Variants in MED15 observed in about 807,000 individuals in gnomAD.
The protein encoded by MED15 is mediator complex subunit 15, also known as mediator of RNA polymerase II transcription subunit 15.
A neutral mutation model predicts 118.7 loss-of-function variants in MED15; 41 were observed. The observed-to-expected ratio is 0.35, with a 90% CI of 0.27 to 0.45. The LOEUF (loss-of-function observed/expected upper bound fraction) is 0.45, where lower values mean the gene tolerates loss of function less well. Ranked by LOEUF, MED15 falls within the 20% of genes least tolerant of loss-of-function variation. The pLI is 1.00. For synonymous variants in MED15, 436 were observed against 413.9 expected (o/e 1.05, Z -0.65); for missense variants, 740 against 1,025.5 (o/e 0.72, Z 3.80).
chr22:20,537,969 G>A (rs1294204050), intron 2 of MED15, among the ~76,000 whole-genome samples: 1 of 152,144 alleles, frequency 6.6e-6, no homozygotes, highest in African/African-American at 2.4e-5. Flanking sequence ...GGGTAGAGTG[G>A]GCTCTGTACT....
Position 20,507,751 on chromosome 22 carries a change from G to C in MED15, c.68+5G>C. 1 of 1,614,076 alleles carries C rather than the reference G, an allele frequency of 6.2e-7. No homozygotes were observed. The highest frequency in any genetic ancestry group is 8.5e-7 in the Non-Finnish European group (1 of 1,179,938). Reference sequence around the variant, plus strand: ...GCAGAAGCTGGTCAGTCAAATGTGAGTAGTGGTCGGGGCAGGGGGCTGGAT... The same window carrying C: ...GCAGAAGCTGGTCAGTCAAATGTGACTAGTGGTCGGGGCAGGGGGCTGGAT... On this transcript the variant is annotated splice_donor_5th_base_variant and intron_variant, in intron 1 of 17. Transcript: ENST00000263205.
At chr22:20,509,829 C>T (rs983501237) in intron 1 of MED15, among the ~76,000 whole-genome samples, 2 of 151,942 alleles carry the variant, frequency 1.3e-5, no homozygotes, top group African/African-American at 2.4e-5. Flanking sequence ...AGAAAAGTCC[C>T]CAGGGCAAGG....
At chr22:20,515,547 T>A (rs2054220228) in intron 1 of MED15, among the ~76,000 whole-genome samples, 1 of 152,128 alleles carries the variant, frequency 6.6e-6, no homozygotes. Flanking sequence ...CCTAGCACTT[T>A]GGGAGGCTAA....
intron 8 of MED15, among the ~76,000 whole-genome samples, chr22:20,570,738 CTTTCTTTCTTTTTTTTTTTTTTTT>C (rs1443865760): frequency 2.2e-5 from 2 of 90,988 alleles, no homozygotes; most frequent in Non-Finnish European, 4.2e-5. Context: ...TTCTTTCTTT[CTTTCTTTCTTTTTTTTTTTTTTTT>C]TTTTTTTTTT....
intron 1 of MED15, among the ~76,000 whole-genome samples, chr22:20,511,403 G>A (rs1041562357): frequency 1.3e-5 from 2 of 151,658 alleles, no homozygotes; most frequent in Non-Finnish European, 2.9e-5. Context: ...GAGGTGGGGG[G>A]ATCGCTTGAG....
At chr22:20,512,193 T>G (rs2054094371) in intron 1 of MED15, among the ~76,000 whole-genome samples, 2 of 151,980 alleles carry the variant, frequency 1.3e-5, no homozygotes, top group Admixed American at 6.6e-5. Flanking sequence ...TTCACCATGT[T>G]GCCCAGACTG....
chr22:20,566,985 A>C (rs2056467232), intron 7 of MED15, among the ~76,000 whole-genome samples, 168 bp downstream of exon 7: 1 of 152,156 alleles, frequency 6.6e-6, no homozygotes, highest in Non-Finnish European at 1.5e-5. Context: ...TCAGCAGGGA[A>C]GCATGTGTTT....
At chr22:20,555,193 C>A (rs755516466) in intron 5 of MED15, 45 bp downstream of exon 5, 2 of 1,492,864 alleles carry the variant, frequency 1.3e-6, no homozygotes, top group Non-Finnish European at 9.1e-7. Flanking sequence ...TCCTTGCAAA[C>A]GACAACACAT....
intron 1 of MED15, among the ~76,000 whole-genome samples, chr22:20,512,325 G>C (rs528844104): frequency 2.0e-5 from 3 of 151,954 alleles, no homozygotes; most frequent in African/African-American, 7.2e-5. Flanking sequence ...ATTATCAAGT[G>C]TTTAAGGTAT....
At chr22:20,507,879 C>T (rs1601415701) in intron 1 of MED15, 133 bp downstream of exon 1, 1 of 1,496,718 alleles carries the variant, frequency 6.7e-7, no homozygotes, top group Non-Finnish European at 8.9e-7. Flanking sequence ...GCGTGGGTCC[C>T]AGGGCTCGGG....
intron 9 of MED15, chr22:20,582,092 C>G (rs528978716): frequency 1.1e-5 from 2 of 174,202 alleles, no homozygotes; most frequent in Non-Finnish European, 1.2e-5. Context: ...ACCAGCCCTG[C>G]AGCAGCATGT....
chr22:20,517,051 T>C (rs5756801), intron 1 of MED15, among the ~76,000 whole-genome samples: 9,191 of 151,882 alleles, frequency 0.061, 643 homozygotes, highest in East Asian at 0.38. Flanking sequence ...TGCCTTAGCT[T>C]CCCAAGTAGC....
chr22:20,518,159 A>T (rs910160824), intron 1 of MED15, among the ~76,000 whole-genome samples: 2 of 152,192 alleles, frequency 1.3e-5, no homozygotes, highest in Non-Finnish European at 2.9e-5. Context: ...GAGTTTTATT[A>T]AACAGATGTC....
In MED15 at chr22:20,553,023, T is replaced by TACTAGGAGC. The variant is rs1349843694; in HGVS notation, c.209-121_209-113dup. 3.6e-6 allele frequency: 3 copies of TACTAGGAGC among 844,882 alleles called. No homozygotes were observed. In the African/African-American group the frequency reaches 5.1e-5, roughly 14 times the overall value. The allele number at this position is 844,882 out of a possible 1,614,324, so 52.3% of individuals were successfully genotyped here. Reference sequence around the variant, plus strand: ...AAACACTTCCCCCAGTAGTGGGGAGTACTAGGAGCTCCGTGGGGATTAAGG... The same window carrying TACTAGGAGC: ...AAACACTTCCCCCAGTAGTGGGGAGTACTAGGAGCACTAGGAGCTCCGTGGGGATTAAGG... On this transcript the variant is annotated intron_variant, in intron 3 of 17. Transcript: ENST00000263205.
intron 5 of MED15, among the ~76,000 whole-genome samples, chr22:20,559,500 A>G (rs537436170): frequency 6.6e-6 from 1 of 152,314 alleles, no homozygotes; most frequent in African/African-American, 2.4e-5. Flanking sequence ...ATGGAAGAAA[A>G]CAATATGTGA....
chr22:20,527,774 A>G (rs982965698), intron 1 of MED15, among the ~76,000 whole-genome samples: 1 of 151,992 alleles, frequency 6.6e-6, no homozygotes. Context: ...CCTGGTCAAT[A>G]TGGTGAAACC....
At chr22:20,585,379 C>T (rs929748908) in intron 16 of MED15, 112 bp downstream of exon 16, 96 of 1,384,798 alleles carry the variant, frequency 6.9e-5, no homozygotes, top group Non-Finnish European at 8.8e-5. Context: ...CCTGTGTTCA[C>T]GCCCCGCCAG....
At chr22:20,560,542 C>T (rs1167040552) in intron 5 of MED15, among the ~76,000 whole-genome samples, 2 of 152,184 alleles carry the variant, frequency 1.3e-5, no homozygotes, top group African/African-American at 4.8e-5. Context: ...GGATTACAGG[C>T]ATGAGCCTCC....
At chr22:20,562,306 G>C (rs965205855) in intron 5 of MED15, among the ~76,000 whole-genome samples, 1 of 152,186 alleles carries the variant, frequency 6.6e-6, no homozygotes, top group Non-Finnish European at 1.5e-5. Context: ...TTAAGCATAT[G>C]ATGGAACAAT....
Sources: gnomAD v4.1 joint callset for allele counts (sites outside exome capture counted in the v4.1 genomes callset) on GRCh38, gnomAD v4.1.1 for gene constraint, MANE v1.5 for transcripts, NCBI Gene and HGNC (gene_info 2026-07-23, HGNC 2026-07-21) for gene names.